ACACB: variants seen among roughly 807,000 people sequenced by gnomAD.
ACACB encodes the protein acetyl-CoA carboxylase 2.
Under a neutral mutation model 278.8 loss-of-function variants are expected in ACACB, and 209 were observed. That is an observed-to-expected ratio of 0.75 (90% confidence interval 0.67 to 0.84). The LOEUF (loss-of-function observed/expected upper bound fraction) is 0.84, where lower values mean the gene tolerates loss of function less well. Ranked by LOEUF, ACACB falls within the 40% of genes least tolerant of loss-of-function variation. ACACB has a pLI of 0.00. For synonymous variants in ACACB, 1,174 were observed against 1,285.6 expected (o/e 0.91, Z 1.86); for missense variants, 2,850 against 3,269.0 (o/e 0.87, Z 3.13).
intron 19 of ACACB, 137 bp downstream of exon 19, chr12:109,201,838 C>T: frequency 8.2e-7 from 1 of 1,215,310 alleles, no homozygotes; most frequent in South Asian, 1.6e-5. Context: ...GTCGCAGCAG[C>T]CACCGTGATG....
chr12:109,236,978 A>G (rs1362026053), intron 33 of ACACB, among the ~76,000 whole-genome samples, 187 bp from the exon 34 acceptor site: 1 of 152,116 alleles, frequency 6.6e-6, no homozygotes, highest in Non-Finnish European at 1.5e-5. Context: ...GATCTTAGCA[A>G]AACCCCAAAT....
chr12:109,195,709 T>G (rs2045099335), intron 16 of ACACB, among the ~76,000 whole-genome samples: 1 of 151,214 alleles, frequency 6.6e-6, no homozygotes, highest in Admixed American at 6.6e-5. Context: ...GCATAAAGTT[T>G]TCCATGTTAT....
chr12:109,150,526 A>G (rs564499323), intron 2 of ACACB, among the ~76,000 whole-genome samples: 36 of 152,348 alleles, frequency 2.4e-4, no homozygotes, highest in Non-Finnish European at 4.9e-4. Flanking sequence ...TGTTGGGATC[A>G]CTGAGGTAAG....
rs71747045 is a variant in ACACB at position 109,117,047 on chromosome 12, C to CTTT, written c.-10+364_-10+366dup. On this transcript the variant is annotated intron_variant, in intron 1 of 52. Transcript: ENST00000338432. ...GTTTCTGTTTCCTCAAATGGTTGTT[C>CTTT]TTTTTTTTTTTTTTTTTTTTTTTAA... Among the ~76,000 whole-genome samples the CTTT allele has an allele frequency of 3.6e-3, 388 of 109,032 alleles. 5 individuals carry two copies. Among genetic ancestry groups the CTTT allele is most frequent in the African/African-American group, 9.3e-3 (264 of 28,236 alleles). The allele number at this position is 109,032 out of a possible 152,430, so 71.5% of individuals were successfully genotyped here.
Position 109,260,205 on chromosome 12 carries a change from G to A in ACACB, c.6497-275G>A, listed in dbSNP as rs2136831567. 2 of 1,410,364 alleles carry A rather than the reference G, an allele frequency of 1.4e-6. 1 individual carries two copies. Among genetic ancestry groups the A allele is most frequent in the Non-Finnish European group, 1.9e-6 (2 of 1,044,348 alleles). 87.4% of individuals were successfully genotyped at this position (1,410,364 alleles called of 1,614,324 possible). A position where few individuals can be genotyped will look rare whatever the true frequency, so the allele number is the denominator to read the frequency against. On this transcript the variant is annotated intron_variant, in intron 47 of 52. Coordinates refer to ENST00000338432, the MANE Select transcript of ACACB (RefSeq NM_001093.4). ...TGGGGCAGGGCAGGGACAGTCATGGGTGAGGGCATTTCAATTCCAGTTGGA... is the reference window on the plus strand; with the variant it reads ...TGGGGCAGGGCAGGGACAGTCATGGATGAGGGCATTTCAATTCCAGTTGGA...
rs769337328 is a variant in ACACB at position 109,222,601 on chromosome 12, T to C, written c.3659T>C (p.Val1220Ala). Residue 1220 changes from valine to alanine, a missense_variant, in exon 25 of 53, where the codon GTG (valine) becomes GCG (alanine). By Grantham distance (64) the Val-to-Ala change is moderately conservative (BLOSUM62 0). Transcript: ENST00000338432. ...TQLSKSEHCK[V>A]ALRARQILIA... The stretch of plus-strand genomic sequence containing the variant: ...CTGAGCAAAAGCGAGCACTGCAAAG[T>C]GGCCCTCAGAGCCCGGCAGGTAGGG... 56 of 1,614,034 alleles carry C rather than the reference T, an allele frequency of 3.5e-5. No homozygotes were observed. Among genetic ancestry groups the C allele is most frequent in the Admixed American group, 5.0e-5 (3 of 59,998 alleles).
At chr12:109,142,830 G>A (rs1374459741) in intron 2 of ACACB, among the ~76,000 whole-genome samples, 1 of 152,180 alleles carries the variant, frequency 6.6e-6, no homozygotes, top group Non-Finnish European at 1.5e-5. Context: ...GCCTCCCAAA[G>A]TGCTGGAATT....
chr12:109,122,535 T>G (rs1295678392), intron 1 of ACACB, among the ~76,000 whole-genome samples: 1 of 131,230 alleles, frequency 7.6e-6, no homozygotes, highest in Middle Eastern at 4.5e-3. Flanking sequence ...ATTGTGCCAC[T>G]GCACTCCAGC....
chr12:109,177,977 T>C (rs2044334139), intron 9 of ACACB, among the ~76,000 whole-genome samples: 1 of 152,120 alleles, frequency 6.6e-6, no homozygotes. Context: ...CTTATATGAG[T>C]GCACTATGAA....
chr12:109,169,911 G>A (rs1486424166), intron 4 of ACACB, among the ~76,000 whole-genome samples: 1 of 152,190 alleles, frequency 6.6e-6, no homozygotes, highest in Non-Finnish European at 1.5e-5. Flanking sequence ...AGGCAGGCCG[G>A]AAGGAGCAGC....
chr12:109,112,832 T>C (rs936155547), upstream of ACACB, among the ~76,000 whole-genome samples: 7 of 152,158 alleles, frequency 4.6e-5, no homozygotes, highest in African/African-American at 1.7e-4. Context: ...CTTAGCCTTT[T>C]AGGTCAGCGG....
chr12:109,237,338 C>T lies in ACACB; in HGVS notation c.4620C>T (p.Phe1540=). The T allele has an allele frequency of 6.2e-7, 1 of 1,614,200 alleles. No homozygotes were observed. The highest frequency in any genetic ancestry group is 1.3e-5 in the African/African-American group (1 of 75,028). ...GTGTGGAAGTGACGGACCATAGGTT[C>T]TTCATCCGCGCCATCATCAGGCACT... is the stretch of plus-strand genomic sequence containing the variant. ...KEGVEVTDHR[F]FIRAIIRHSD... is the part of the protein sequence containing the mutation. Residue 1540 remains phenylalanine, a synonymous_variant, in exon 34 of 53, where the codon TTC becomes TTT. Coordinates refer to ENST00000338432, the MANE Select transcript of ACACB (RefSeq NM_001093.4).
rs1369978984 is a variant in ACACB, at chr12:109,248,458, G to A, written c.5669+755G>A. ...TGAGTCTAAAAGCCTCAAAAGTAGG[G>A]AAGCCAATAGTGCAGCCTTCAGTGG... is the stretch of plus-strand genomic sequence containing the variant. On this transcript the variant is annotated intron_variant, in intron 40 of 52. Transcript: ENST00000338432. Among the ~76,000 whole-genome samples the A allele has an allele frequency of 2.6e-5, 4 of 152,340 alleles. No homozygotes were observed. The East Asian group carries it at 7.7e-4, about 29-fold the overall frequency.
chr12:109,203,708 A>C (rs1425445797), intron 19 of ACACB, among the ~76,000 whole-genome samples: 2 of 152,214 alleles, frequency 1.3e-5, no homozygotes, highest in Non-Finnish European at 2.9e-5. Context: ...AGTGTCTGTC[A>C]TGTGACCCTG....
At chr12:109,201,997 C>T (rs1216584862) in intron 19 of ACACB, among the ~76,000 whole-genome samples, 1 of 152,144 alleles carries the variant, frequency 6.6e-6, no homozygotes, top group Non-Finnish European at 1.5e-5. Flanking sequence ...CTGCCTTTCT[C>T]CTCTGTCCCT....
intron 19 of ACACB, among the ~76,000 whole-genome samples, chr12:109,203,645 G>A (rs2045404812): frequency 6.6e-6 from 1 of 152,248 alleles, no homozygotes; most frequent in African/African-American, 2.4e-5. Context: ...ACGTGTAGCA[G>A]GCAGGTGCCG....
Position 109,130,947 on chromosome 12 carries a change from TG to T in ACACB, c.-9-8448del, listed in dbSNP as rs541229448. Among the ~76,000 whole-genome samples the T allele has an allele frequency of 1.4e-3, 214 of 152,266 alleles. 1 individual carries two copies. Among genetic ancestry groups the T allele is most frequent in the Admixed American group, 0.01 (159 of 15,280 alleles). On this transcript the variant is annotated intron_variant, in intron 1 of 52. Transcript: ENST00000338432. ...ACAGGCGTCTGACAGATGAACCCCT[TG>T]GAACATCTGTCGATGCTGTTTTCCT...
intron 1 of ACACB, among the ~76,000 whole-genome samples, chr12:109,124,603 G>A (rs1429090146): frequency 6.6e-6 from 1 of 152,210 alleles, no homozygotes; most frequent in Non-Finnish European, 1.5e-5. Flanking sequence ...ACTGCCTGCT[G>A]ATGAGCAAAG....
intron 13 of ACACB, 133 bp from the exon 14 acceptor site, chr12:109,191,480 C>T: frequency 1.8e-6 from 2 of 1,115,400 alleles, no homozygotes; most frequent in Non-Finnish European, 2.6e-6. Flanking sequence ...TCCCAAAGTG[C>T]TGGGATTACA....
Sources: gnomAD v4.1 joint callset for allele counts (sites outside exome capture counted in the v4.1 genomes callset) on GRCh38, gnomAD v4.1.1 for gene constraint, MANE v1.5 for transcripts, NCBI Gene and HGNC (gene_info 2026-07-23, HGNC 2026-07-21) for gene names.